WDR19: variants seen among roughly 807,000 people sequenced by gnomAD.
WDR19 encodes the protein WD repeat-containing protein 19.
In WDR19, 121 loss-of-function variants were observed where a neutral mutation model predicts 180.0. The observed-to-expected ratio is 0.67, with a 90% CI of 0.58 to 0.78. The LOEUF (loss-of-function observed/expected upper bound fraction) is 0.78, where lower values mean the gene tolerates loss of function less well. Ranked by LOEUF, WDR19 falls within the 30% of genes least tolerant of loss-of-function variation. The pLI, the probability that WDR19 is intolerant of heterozygous loss-of-function variation, is 0.00. For missense variants in WDR19, 1,450 were observed against 1,640.7 expected, an observed-to-expected ratio of 0.88 and a Z score of 2.01; for synonymous variants, 497 against 540.7, an observed-to-expected ratio of 0.92 and a Z score of 1.12.
chr4:39,216,091 TATAGGAGCTACCAATCACAGTTTC>T lies in WDR19; in HGVS notation c.1135-4_1154del. 6.4e-7 allele frequency: 1 copy of T among 1,568,564 alleles called. No individual in the cohort carries two copies. Among genetic ancestry groups the T allele is most frequent in the Non-Finnish European group, 8.6e-7 (1 of 1,157,004 alleles). On this transcript the variant is annotated splice_acceptor_variant and splice_polypyrimidine_tract_variant and coding_sequence_variant and intron_variant, in exon 12 of 37. Transcript: ENST00000399820. LOFTEE classifies it high-confidence loss of function. The stretch of plus-strand genomic sequence containing the variant: ...GTTGATTTATTACTATTTTCTTTAT[TATAGGAGCTACCAATCACAGTTTC>T]TGTTGATGTGGAACCCAACTTTGTG...
chr4:39,231,845 C>T lies in WDR19; in HGVS notation c.2031C>T (p.Ala677=). The T allele has an allele frequency of 1.9e-6, 3 of 1,604,998 alleles. No homozygotes were observed. Among genetic ancestry groups the T allele is most frequent in the Non-Finnish European group, 2.6e-6 (3 of 1,172,648 alleles). Residue 677 remains alanine, a synonymous_variant, in exon 18 of 37, where the codon GCC becomes GCT. Transcript: ENST00000399820. ...EMCRILNDEA[A]WNELARACLH... Reference sequence around the variant, plus strand: ...GCAGGATTCTGAATGATGAGGCTGCCTGGAATGAGTTGGCCAGAGCTTGTC... The same window carrying T: ...GCAGGATTCTGAATGATGAGGCTGCTTGGAATGAGTTGGCCAGAGCTTGTC...
At chr4:39,239,310 T>G (rs1489895337) in intron 20 of WDR19, among the ~76,000 whole-genome samples, 1 of 152,034 alleles carries the variant, frequency 6.6e-6, no homozygotes, top group Non-Finnish European at 1.5e-5. Context: ...TATTAATACT[T>G]TTTCTCAGTG....
chr4:39,270,947 T>A (rs1735302926), intron 31 of WDR19, among the ~76,000 whole-genome samples: 1 of 146,320 alleles, frequency 6.8e-6, no homozygotes, highest in South Asian at 2.1e-4. Flanking sequence ...CAGGTTGGAG[T>A]GCAGTGGCCC....
intron 28 of WDR19, among the ~76,000 whole-genome samples, chr4:39,259,086 G>A (rs1432447121): frequency 6.6e-6 from 1 of 152,082 alleles, no homozygotes; most frequent in Non-Finnish European, 1.5e-5. Context: ...AAAAAAAACA[G>A]AAAAGAAATC....
chr4:39,248,964 G>C (rs1310144776), intron 24 of WDR19, among the ~76,000 whole-genome samples: 2 of 152,090 alleles, frequency 1.3e-5, no homozygotes, highest in Non-Finnish European at 2.9e-5. Flanking sequence ...AAGTTAACAA[G>C]GATATCCAGG....
In WDR19 at chr4:39,217,162, T is replaced by C; in HGVS notation, c.1278T>C (p.Tyr426=). The C allele has an allele frequency of 6.2e-7, 1 of 1,608,522 alleles. No homozygotes were observed. Among genetic ancestry groups the C allele is most frequent in the Non-Finnish European group, 8.5e-7 (1 of 1,177,542 alleles). ...NAVKKLKDME[Y]LGTVASICLH... ...TGAAAAAATTGAAAGATATGGAGTA[T>C]CTGGGAACAGTAGCCAGTATTTGCC... Residue 426 remains tyrosine (Y), a synonymous_variant, in exon 13 of 37, where the codon TAT becomes TAC. Coordinates refer to ENST00000399820, the MANE Select transcript of WDR19 (RefSeq NM_025132.4).
At chr4:39,225,824 TCTTCCCTTTCC>T (rs1465920559) in intron 15 of WDR19, among the ~76,000 whole-genome samples, 1 of 151,832 alleles carries the variant, frequency 6.6e-6, no homozygotes, top group Non-Finnish European at 1.5e-5. Context: ...CTTCCCTTTC[TCTTCCCTTTCC>T]CTTCCCTTCC....
chr4:39,203,866 T>C (rs1031720229), intron 7 of WDR19, 144 bp downstream of exon 7: 2 of 789,164 alleles, frequency 2.5e-6, no homozygotes, highest in Non-Finnish European at 4.2e-6. Flanking sequence ...CTAGGTCTTT[T>C]AGTCCCTAAA....
chr4:39,189,883 A>G lies in WDR19; in HGVS notation c.290+102A>G, dbSNP rs1436419833. The G allele has an allele frequency of 2.4e-6, 3 of 1,262,684 alleles. No homozygotes were observed. The Admixed American group carries it at 8.2e-5, about 35-fold the overall frequency. 78.2% of individuals were successfully genotyped at this position (1,262,684 alleles called of 1,614,324 possible). ...ACTACTTTCATTTTAAAGATTCCTC[A>G]ATGAGTTATTTTCATAGAAAAGGAT... On this transcript the variant is annotated intron_variant, in intron 4 of 36. Transcript: ENST00000399820.
At chr4:39,247,169 C>G (rs1328537213) in intron 24 of WDR19, among the ~76,000 whole-genome samples, 1 of 152,190 alleles carries the variant, frequency 6.6e-6, no homozygotes, top group Middle Eastern at 3.2e-3. Context: ...TCCAGAGGAA[C>G]AATCAGGCAG....
At chr4:39,195,185 G>C (rs920824781) in intron 5 of WDR19, among the ~76,000 whole-genome samples, 1 of 151,880 alleles carries the variant, frequency 6.6e-6, no homozygotes, top group Admixed American at 6.6e-5. Flanking sequence ...GGCCAAGATA[G>C]TGAAACCCCA....
chr4:39,252,061 A>G (rs576416158), intron 24 of WDR19, among the ~76,000 whole-genome samples: 1 of 152,110 alleles, frequency 6.6e-6, no homozygotes, highest in African/African-American at 2.4e-5. Flanking sequence ...ATGCACACGT[A>G]TGTTTATTGT....
At chr4:39,186,255 A>C (rs1160595159) in intron 2 of WDR19, among the ~76,000 whole-genome samples, 1 of 152,120 alleles carries the variant, frequency 6.6e-6, no homozygotes, top group African/African-American at 2.4e-5. Flanking sequence ...CAAGGCAGGC[A>C]GATCACTTGA....
chr4:39,272,679 C>T (rs1384311454), intron 31 of WDR19, among the ~76,000 whole-genome samples: 1 of 152,208 alleles, frequency 6.6e-6, no homozygotes, highest in Non-Finnish European at 1.5e-5. Context: ...CTTACCAGAA[C>T]TTGGTGAAGT....
rs199812132 is a variant in WDR19 at position 39,205,660 on chromosome 4, C to G, written c.814C>G (p.Arg272Gly). Reference sequence around the variant, plus strand: ...GCTTGGTCAAGAGATATTTCAGGCTCGTAACCATAAAGATAATCTAACCAG... The same window carrying G: ...GCTTGGTCAAGAGATATTTCAGGCTGGTAACCATAAAGATAATCTAACCAG... ...GELGQEIFQA[R>G]NHKDNLTSIA... The change falls in exon 9 of 37, where the codon CGT becomes GGT. Residue 272 changes from arginine (R) to glycine (G), a missense_variant. Physicochemically the swap from Arg to Gly is moderately radical, Grantham distance 125. Coordinates refer to ENST00000399820, the MANE Select transcript of WDR19 (RefSeq NM_025132.4). The G allele has an allele frequency of 2.5e-6, 4 of 1,611,978 alleles. No homozygotes were observed. The highest frequency in any genetic ancestry group is 3.3e-5 in the Admixed American group (2 of 59,754).
chr4:39,277,874 T>C (rs752463514), intron 34 of WDR19, among the ~76,000 whole-genome samples: 6 of 152,018 alleles, frequency 3.9e-5, no homozygotes, highest in Non-Finnish European at 8.8e-5. Context: ...GCCAACATGG[T>C]GAAATGCTGT....
intron 20 of WDR19, among the ~76,000 whole-genome samples, chr4:39,236,398 A>G (rs1310036952): frequency 6.6e-6 from 1 of 152,154 alleles, no homozygotes; most frequent in Non-Finnish European, 1.5e-5. Context: ...GTAACTCAGA[A>G]AGTCAAATAC....
At chr4:39,228,140 G>A in intron 15 of WDR19, 70 bp from the exon 16 acceptor site, 1 of 1,563,506 alleles carries the variant, frequency 6.4e-7, no homozygotes. Flanking sequence ...CTGCAAACAG[G>A]CTTCTACCAC....
At chr4:39,248,132 C>T (rs958285619) in intron 24 of WDR19, among the ~76,000 whole-genome samples, 1 of 152,210 alleles carries the variant, frequency 6.6e-6, no homozygotes, top group African/African-American at 2.4e-5. Flanking sequence ...AAGGGAAGCC[C>T]TTCAGACTAA....
Sources: gnomAD v4.1 joint callset for allele counts (sites outside exome capture counted in the v4.1 genomes callset) on GRCh38, gnomAD v4.1.1 for gene constraint, MANE v1.5 for transcripts, NCBI Gene and HGNC (gene_info 2026-07-23, HGNC 2026-07-21) for gene names.